The following ROBO2 variants were observed in gnomAD, a reference collection of about 807,000 sequenced individuals.
The protein encoded by ROBO2 is roundabout guidance receptor 2, also known as roundabout homolog 2.
A neutral mutation model predicts 160.8 loss-of-function variants in ROBO2; 53 were observed. The observed-to-expected ratio is 0.33, with a 90% CI of 0.26 to 0.41. The LOEUF (loss-of-function observed/expected upper bound fraction) is 0.41. Among genes scored for constraint, ROBO2 ranks in the 10% least tolerant of loss-of-function variants. The pLI, the probability that ROBO2 is intolerant of heterozygous loss-of-function variation, is 1.00. For missense variants in ROBO2, 1,577 were observed against 1,722.4 expected (o/e 0.92, Z 1.49); for synonymous variants, 664 against 611.7 (o/e 1.09, Z -1.26).
At chr3:77,503,270 A>C (rs2087899568) in intron 5 of ROBO2, among the ~76,000 whole-genome samples, 1 of 151,576 alleles carries the variant, frequency 6.6e-6, no homozygotes, top group East Asian at 1.9e-4. Flanking sequence ...TCACGCCTGT[A>C]ATCCCAGCAC....
chr3:76,574,973 A>G (rs771485443), intron 2 of ROBO2, among the ~76,000 whole-genome samples: 3 of 152,176 alleles, frequency 2.0e-5, no homozygotes, highest in Non-Finnish European at 2.9e-5. Flanking sequence ...TTATCATTCT[A>G]TAAACTTGTT....
chr3:76,499,431 C>T (rs2080339885), intron 2 of ROBO2, among the ~76,000 whole-genome samples: 2 of 152,170 alleles, frequency 1.3e-5, no homozygotes, highest in South Asian at 4.1e-4. Context: ...TGTCCAACCT[C>T]TATTCTTCAT....
At chr3:76,218,471 G>A (rs1282329769) in intron 2 of ROBO2, among the ~76,000 whole-genome samples, 2 of 152,118 alleles carry the variant, frequency 1.3e-5, no homozygotes, top group Non-Finnish European at 2.9e-5. Context: ...AAAGTCTCAG[G>A]ATACAAAATC....
intron 2 of ROBO2, among the ~76,000 whole-genome samples, chr3:76,509,668 G>C (rs1010493942): frequency 6.6e-6 from 1 of 152,096 alleles, no homozygotes; most frequent in African/African-American, 2.4e-5. Flanking sequence ...CGGAAGTCAC[G>C]CTCCACGAAG....
At chr3:76,840,645 TTATATA>T (rs3068959) in intron 2 of ROBO2, among the ~76,000 whole-genome samples, 5,669 of 134,892 alleles carry the variant, frequency 0.042, 329 homozygotes, top group African/African-American at 0.13. Context: ...TAATTATATT[TTATATA>T]TATATATATA....
intron 2 of ROBO2, among the ~76,000 whole-genome samples, chr3:76,677,022 T>C (rs372481011): frequency 6.6e-6 from 1 of 152,274 alleles, no homozygotes. Context: ...AAAGACATTA[T>C]AATGTTGAAA....
At chr3:76,256,312 TCTCTC>T (rs1706363732) in intron 2 of ROBO2, among the ~76,000 whole-genome samples, 2 of 45,576 alleles carry the variant, frequency 4.4e-5, no homozygotes, top group Admixed American at 3.8e-4. Context: ...TCTCTCTCTC[TCTCTC>T]TCTCTCTCTC....
Position 76,968,939 on chromosome 3 carries a change from A to G in ROBO2, c.110-129075A>G, listed in dbSNP as rs181653103. ...AAAGTTAATTTAGTGACAGCTGCATAACCGGATAATTAGTCTTCATTTTGG... is the reference window on the plus strand; with the variant it reads ...AAAGTTAATTTAGTGACAGCTGCATGACCGGATAATTAGTCTTCATTTTGG... On this transcript the variant is annotated intron_variant, in intron 2 of 26. Transcript: ENST00000487694. 3.2e-3 allele frequency among the ~76,000 whole-genome samples: 483 copies of G among 152,332 alleles called. 2 individuals carry two copies. The highest frequency in any genetic ancestry group is 5.0e-3 in the Non-Finnish European group (341 of 68,020).
chr3:76,037,197 C>T (rs1050450099), intron 2 of ROBO2, among the ~76,000 whole-genome samples: 2 of 151,622 alleles, frequency 1.3e-5, no homozygotes, highest in Non-Finnish European at 2.9e-5. Context: ...CCTATGTTGC[C>T]CATACTGTAT....
chr3:76,086,682 A>G (rs2069025318), intron 2 of ROBO2, among the ~76,000 whole-genome samples: 1 of 152,192 alleles, frequency 6.6e-6, no homozygotes, highest in Non-Finnish European at 1.5e-5. Flanking sequence ...ACAATTTGAA[A>G]ACAAAAAACA....
intron 2 of ROBO2, among the ~76,000 whole-genome samples, chr3:77,210,211 A>AT (rs1164813295): frequency 6.6e-6 from 1 of 151,958 alleles, no homozygotes; most frequent in Non-Finnish European, 1.5e-5. Flanking sequence ...AAATATCTCA[A>AT]TTTTCCTCCT....
At chr3:76,146,957 A>G (rs1437971381) in intron 2 of ROBO2, among the ~76,000 whole-genome samples, 2 of 148,014 alleles carry the variant, frequency 1.4e-5, no homozygotes, top group Admixed American at 6.8e-5. Context: ...ACAACACACA[A>G]TGGGGCCTTC....
intron 2 of ROBO2, among the ~76,000 whole-genome samples, chr3:76,905,023 AC>A (rs1257927179): frequency 6.6e-5 from 10 of 152,152 alleles, no homozygotes; most frequent in African/African-American, 2.2e-4. Context: ...CTACCTCCAA[AC>A]TTTTTCTTTC....
intron 16 of ROBO2, among the ~76,000 whole-genome samples, chr3:77,586,605 A>G (rs537109564): frequency 6.6e-6 from 1 of 152,166 alleles, no homozygotes; most frequent in East Asian, 1.9e-4. Context: ...AGCAGCATAA[A>G]AAATAGCAAT....
chr3:76,239,330 G>A lies in ROBO2; in HGVS notation c.109+301728G>A, dbSNP rs148795663. ...TATCTGGCATGACTTTATATAATATGCATGTTTATGTAGTATAGAATACGT... is the reference window on the plus strand; with the variant it reads ...TATCTGGCATGACTTTATATAATATACATGTTTATGTAGTATAGAATACGT... On this transcript the variant is annotated intron_variant, in intron 2 of 26. Transcript: ENST00000487694. Among the ~76,000 whole-genome samples, 629 of 149,326 alleles carry A rather than the reference G, an allele frequency of 4.2e-3. 7 individuals carry two copies. Among genetic ancestry groups the A allele is most frequent in the Admixed American group, 0.026 (388 of 14,684 alleles).
intron 2 of ROBO2, among the ~76,000 whole-genome samples, chr3:77,022,248 T>C (rs573800636): frequency 3.2e-4 from 48 of 152,270 alleles, no homozygotes; most frequent in African/African-American, 1.2e-3. Context: ...CAAACGCCTG[T>C]AATCCCAGCT....
chr3:76,731,551 T>C (rs2093638038), intron 2 of ROBO2, among the ~76,000 whole-genome samples: 1 of 152,226 alleles, frequency 6.6e-6, no homozygotes, highest in South Asian at 2.1e-4. Flanking sequence ...ACTACTCCTT[T>C]CTGTTGCCTG....
At chr3:76,109,852 A>G (rs953068278) in intron 2 of ROBO2, among the ~76,000 whole-genome samples, 4 of 151,680 alleles carry the variant, frequency 2.6e-5, no homozygotes, top group African/African-American at 9.7e-5. Context: ...TACAATGTCT[A>G]TTATTCTACT....
chr3:77,375,518 G>T (rs370382755), intron 2 of ROBO2, among the ~76,000 whole-genome samples: 1 of 152,234 alleles, frequency 6.6e-6, no homozygotes, highest in Non-Finnish European at 1.5e-5. Flanking sequence ...TTTCACTTGT[G>T]TTGACTAGTA....
Sources: allele counts gnomAD v4.1 joint callset (sites outside exome capture counted in the v4.1 genomes callset), GRCh38; gene constraint gnomAD v4.1.1; transcripts MANE v1.5; gene names NCBI Gene and HGNC (gene_info 2026-07-23, HGNC 2026-07-21).